Variants in RANBP17 observed in about 807,000 individuals in gnomAD.
RANBP17 encodes ran-binding protein 17.
In RANBP17, 158 loss-of-function variants were observed where a neutral mutation model predicts 141.2. The observed-to-expected ratio is 1.12, with a 90% confidence interval of 0.98 to 1.28. RANBP17 has a LOEUF of 1.28. RANBP17 is among the 50% of genes most tolerant of loss of function. The pLI, the probability that RANBP17 is intolerant of heterozygous loss-of-function variation, is 0.00. For missense variants in RANBP17, 1,438 were observed against 1,290.7 expected, an observed-to-expected ratio of 1.11 and a Z score of -1.75; for synonymous variants, 430 against 450.0, an observed-to-expected ratio of 0.96 and a Z score of 0.56.
intron 14 of RANBP17, among the ~76,000 whole-genome samples, chr5:171,039,840 C>T (rs143934533): frequency 4.6e-5 from 7 of 152,044 alleles, no homozygotes; most frequent in East Asian, 3.9e-4. Flanking sequence ...ATTGAAGCCC[C>T]GAACAGACCA....
intron 3 of RANBP17, among the ~76,000 whole-genome samples, chr5:170,889,489 A>C (rs1428795607): frequency 1.3e-5 from 2 of 152,096 alleles, no homozygotes; most frequent in Admixed American, 1.3e-4. Context: ...AACCACAATA[A>C]CCTGATTCAG....
chr5:170,864,133 A>T (rs1044795893), intron 1 of RANBP17, among the ~76,000 whole-genome samples: 1 of 152,196 alleles, frequency 6.6e-6, no homozygotes, highest in Non-Finnish European at 1.5e-5. Context: ...GAAGACACTG[A>T]GTCTTAAAAC....
intron 22 of RANBP17, among the ~76,000 whole-genome samples, chr5:171,229,921 C>T (rs1268714258): frequency 1.3e-5 from 2 of 151,296 alleles, no homozygotes; most frequent in African/African-American, 4.9e-5. Context: ...CAAAATTAGC[C>T]GGGCGTGGTG....
intron 3 of RANBP17, among the ~76,000 whole-genome samples, chr5:170,887,707 G>A (rs1270114273): frequency 6.6e-6 from 1 of 152,138 alleles, no homozygotes; most frequent in African/African-American, 2.4e-5. Context: ...GAATAGCTGA[G>A]ACTGGGTAAT....
chr5:171,124,654 A>G (rs1184559640), intron 14 of RANBP17, among the ~76,000 whole-genome samples: 1 of 152,194 alleles, frequency 6.6e-6, no homozygotes. Context: ...GAATGTTTAT[A>G]TGGGACAGTA....
chr5:171,187,971 AT>A (rs1403360903), intron 18 of RANBP17, among the ~76,000 whole-genome samples: 1 of 152,160 alleles, frequency 6.6e-6, no homozygotes, highest in Non-Finnish European at 1.5e-5. Flanking sequence ...AAGAAAAATA[AT>A]TTTTTTGCCC....
At chr5:170,956,814 G>A (rs1775738425) in intron 13 of RANBP17, among the ~76,000 whole-genome samples, 1 of 149,922 alleles carries the variant, frequency 6.7e-6, no homozygotes, top group Non-Finnish European at 1.5e-5. Context: ...GCTCATGCCT[G>A]TAATCCCAGC....
intron 24 of RANBP17, among the ~76,000 whole-genome samples, chr5:171,265,161 C>T (rs980594418): frequency 3.3e-5 from 5 of 152,194 alleles, no homozygotes; most frequent in Non-Finnish European, 7.4e-5. Flanking sequence ...GAAAAATCTG[C>T]CTAATCTATC....
At chr5:171,148,153 G>A (rs1480949478) in intron 14 of RANBP17, among the ~76,000 whole-genome samples, 1 of 151,992 alleles carries the variant, frequency 6.6e-6, no homozygotes, top group Non-Finnish European at 1.5e-5. Context: ...ATTAAGGGCG[G>A]TGCAAGATGT....
chr5:171,089,700 C>T (rs566930900), intron 14 of RANBP17, among the ~76,000 whole-genome samples: 9 of 151,626 alleles, frequency 5.9e-5, no homozygotes, highest in East Asian at 2.0e-4. Context: ...GCGCAATATT[C>T]GGGTGGGAGT....
intron 11 of RANBP17, among the ~76,000 whole-genome samples, chr5:170,922,558 G>A (rs1330510531): frequency 6.6e-6 from 1 of 152,154 alleles, no homozygotes; most frequent in African/African-American, 2.4e-5. Flanking sequence ...CTGCAGCATC[G>A]CAGTTTGATC....
At chr5:170,904,582 C>G (rs1451354167) in intron 5 of RANBP17, 4 of 152,082 alleles carry the variant, frequency 2.6e-5, no homozygotes, top group African/African-American at 9.7e-5. Context: ...ATATTTTTGT[C>G]TAAAAGAGTG....
intron 12 of RANBP17, among the ~76,000 whole-genome samples, chr5:170,944,024 C>G (rs575943199): frequency 6.6e-6 from 1 of 152,224 alleles, no homozygotes; most frequent in Admixed American, 6.5e-5. Flanking sequence ...CTTTCCTTAC[C>G]TCTAGTAACC....
chr5:171,062,288 C>T (rs1036404755), intron 14 of RANBP17, among the ~76,000 whole-genome samples: 11 of 152,102 alleles, frequency 7.2e-5, no homozygotes, highest in South Asian at 2.1e-4. Flanking sequence ...AATTTTGCGG[C>T]GGCTGGTACC....
intron 12 of RANBP17, among the ~76,000 whole-genome samples, chr5:170,934,053 CT>C (rs1305345927): frequency 6.6e-6 from 1 of 152,124 alleles, no homozygotes; most frequent in African/African-American, 2.4e-5. Context: ...GAGTCTAAGT[CT>C]CTTTTTAGGT....
At chr5:171,262,677 A>G (rs987910818) in intron 24 of RANBP17, among the ~76,000 whole-genome samples, 1 of 152,216 alleles carries the variant, frequency 6.6e-6, no homozygotes. Flanking sequence ...TAGCTACTCA[A>G]AAATATATAA....
intron 21 of RANBP17, among the ~76,000 whole-genome samples, chr5:171,217,787 CTTCT>C (rs1472849755): frequency 6.6e-6 from 1 of 151,668 alleles, no homozygotes; most frequent in Non-Finnish European, 1.5e-5. Context: ...TTTGATTCTT[CTTCT>C]TTATTAGTCT....
intron 13 of RANBP17, among the ~76,000 whole-genome samples, chr5:170,959,856 C>A (rs1269220212): frequency 6.6e-6 from 1 of 152,130 alleles, no homozygotes; most frequent in African/African-American, 2.4e-5. Flanking sequence ...GGCTTAAAAG[C>A]TGAGAAGGCG....
At chr5:171,089,534 A>T (rs1786033721) in intron 14 of RANBP17, among the ~76,000 whole-genome samples, 2 of 152,028 alleles carry the variant, frequency 1.3e-5, no homozygotes, top group East Asian at 2.0e-4. Flanking sequence ...AAGCCTGGGC[A>T]ATGGCGGGCG....
Sources: allele counts gnomAD v4.1 joint callset (sites outside exome capture counted in the v4.1 genomes callset), GRCh38; gene constraint gnomAD v4.1.1; transcripts MANE v1.5; gene names NCBI Gene and HGNC (gene_info 2026-07-23, HGNC 2026-07-21).